The following NDUFAF2 variants were observed in gnomAD, a reference collection of about 807,000 sequenced individuals.
NDUFAF2 encodes NADH dehydrogenase [ubiquinone] 1 alpha subcomplex assembly factor 2.
In NDUFAF2, 13 loss-of-function variants were observed where a neutral mutation model predicts 22.8. The ratio of observed to expected loss-of-function variants is 0.57; its 90% CI spans 0.37 to 0.91. The LOEUF (loss-of-function observed/expected upper bound fraction) is 0.91. NDUFAF2 is among the 40% of genes least tolerant of loss of function. The probability of loss-of-function intolerance (pLI) is 0.01; values close to 1 mark genes in which losing one functional copy is unlikely to be tolerated. For missense variants in NDUFAF2, 162 were observed against 195.2 expected (o/e 0.83, Z 1.01); for synonymous variants, 53 against 64.2 (o/e 0.83, Z 0.84).
At chr5:61,039,282 T>C (rs1188761777) in intron 1 of NDUFAF2, among the ~76,000 whole-genome samples, 1 of 151,974 alleles carries the variant, frequency 6.6e-6, no homozygotes, top group Non-Finnish European at 1.5e-5. Flanking sequence ...GAAGAGACTA[T>C]ATTTGTAACA....
intron 1 of NDUFAF2, among the ~76,000 whole-genome samples, chr5:61,057,172 G>A (rs1278377199): frequency 6.6e-6 from 1 of 151,642 alleles, no homozygotes; most frequent in African/African-American, 2.4e-5. Context: ...AGACTTCTTT[G>A]TCTTTTCCTA....
intron 2 of NDUFAF2, among the ~76,000 whole-genome samples, chr5:61,088,228 A>G (rs1265667491): frequency 6.6e-6 from 1 of 152,086 alleles, no homozygotes; most frequent in Non-Finnish European, 1.5e-5. Context: ...AGCCAGGGGG[A>G]AAAATACTCC....
intron 1 of NDUFAF2, among the ~76,000 whole-genome samples, chr5:60,971,848 A>G (rs1038998133): frequency 3.4e-4 from 52 of 151,436 alleles, no homozygotes; most frequent in African/African-American, 1.2e-3. Context: ...ACATTTTCTT[A>G]ATCCAGTCTA....
chr5:61,041,419 C>T (rs1417371749), intron 1 of NDUFAF2, among the ~76,000 whole-genome samples: 1 of 151,942 alleles, frequency 6.6e-6, no homozygotes, highest in East Asian at 1.9e-4. Context: ...TTCACCCGTA[C>T]CAGTTTTTTT....
intron 1 of NDUFAF2, among the ~76,000 whole-genome samples, chr5:60,947,082 T>C (rs931699176): frequency 2.0e-5 from 3 of 152,228 alleles, no homozygotes; most frequent in African/African-American, 7.2e-5. Flanking sequence ...TCTACAAACA[T>C]TCCCATACAG....
At chr5:61,003,300 GT>G (rs1403713857) in intron 1 of NDUFAF2, among the ~76,000 whole-genome samples, 1 of 152,062 alleles carries the variant, frequency 6.6e-6, no homozygotes, top group East Asian at 1.9e-4. Flanking sequence ...TGCTTCTGAA[GT>G]TTTTTAACTC....
At chr5:61,080,871 T>C (rs1402094682) in intron 2 of NDUFAF2, among the ~76,000 whole-genome samples, 1 of 152,094 alleles carries the variant, frequency 6.6e-6, no homozygotes, top group Non-Finnish European at 1.5e-5. Context: ...TGAATTCCAG[T>C]TTATCATTTT....
chr5:61,128,568 A>G (rs1482493801), intron 3 of NDUFAF2, among the ~76,000 whole-genome samples: 1 of 152,216 alleles, frequency 6.6e-6, no homozygotes, highest in Non-Finnish European at 1.5e-5. Flanking sequence ...CTATTTAACA[A>G]ATGGTGCTGG....
intron 1 of NDUFAF2, among the ~76,000 whole-genome samples, chr5:61,067,144 T>A (rs1221081402): frequency 1.3e-5 from 2 of 152,140 alleles, no homozygotes; most frequent in Admixed American, 1.3e-4. Context: ...TAATTTTTTT[T>A]ATGACTAGAT....
chr5:61,023,566 T>C (rs1161141885), intron 1 of NDUFAF2, among the ~76,000 whole-genome samples: 1 of 152,188 alleles, frequency 6.6e-6, no homozygotes, highest in African/African-American at 2.4e-5. Context: ...CATCTACATC[T>C]TTTGGTCCTT....
intron 3 of NDUFAF2, among the ~76,000 whole-genome samples, chr5:61,110,810 A>C (rs1354726003): frequency 6.6e-6 from 1 of 151,760 alleles, no homozygotes; most frequent in Non-Finnish European, 1.5e-5. Flanking sequence ...TTTTCTTCAA[A>C]TTTCATTTGT....
At chr5:61,099,958 T>A (rs1275966449) in intron 3 of NDUFAF2, among the ~76,000 whole-genome samples, 3 of 152,138 alleles carry the variant, frequency 2.0e-5, no homozygotes, top group African/African-American at 7.2e-5. Context: ...GTTTATTTGC[T>A]CCATACATTT....
chr5:61,040,286 A>ACACACACGCGCGCGCGCGCGCGCG (rs1491193758), intron 1 of NDUFAF2, among the ~76,000 whole-genome samples: 11 of 93,068 alleles, frequency 1.2e-4, no homozygotes, highest in African/African-American at 4.8e-4. Context: ...ACACACACAC[A>ACACACACGCGCGCGCGCGCGCGCG]CGCGCGCGCG....
intron 1 of NDUFAF2, among the ~76,000 whole-genome samples, chr5:60,956,075 A>G (rs931185888): frequency 6.6e-6 from 1 of 151,872 alleles, no homozygotes; most frequent in African/African-American, 2.4e-5. Flanking sequence ...TAATTTTTGT[A>G]TTTTTTGTAG....
chr5:61,076,869 A>G (rs919603472), intron 2 of NDUFAF2, among the ~76,000 whole-genome samples: 2 of 152,188 alleles, frequency 1.3e-5, no homozygotes, highest in African/African-American at 4.8e-5. Flanking sequence ...TGCATTCCGG[A>G]TCTGTGGTAA....
chr5:60,975,239 C>T (rs1019145729), intron 1 of NDUFAF2, among the ~76,000 whole-genome samples: 6 of 151,794 alleles, frequency 4.0e-5, no homozygotes, highest in Non-Finnish European at 8.8e-5. Flanking sequence ...TTACGACACT[C>T]CAATTTATTT....
intron 2 of NDUFAF2, among the ~76,000 whole-genome samples, chr5:61,092,838 A>G (rs1752585419): frequency 6.6e-6 from 1 of 152,172 alleles, no homozygotes; most frequent in Non-Finnish European, 1.5e-5. Context: ...GACAGAACTA[A>G]TAGGATATAT....
At chr5:60,967,388 T>C (rs1323384739) in intron 1 of NDUFAF2, among the ~76,000 whole-genome samples, 1 of 152,028 alleles carries the variant, frequency 6.6e-6, no homozygotes, top group African/African-American at 2.4e-5. Flanking sequence ...TGAATACAAG[T>C]GGTGAGAGGT....
At chr5:61,098,415 G>T (rs1201052962) in intron 2 of NDUFAF2, among the ~76,000 whole-genome samples, 1 of 152,142 alleles carries the variant, frequency 6.6e-6, no homozygotes, top group Non-Finnish European at 1.5e-5. Flanking sequence ...AAAGCATCCA[G>T]CACAGTACCC....
Sources: allele counts gnomAD v4.1 joint callset (sites outside exome capture counted in the v4.1 genomes callset), GRCh38; gene constraint gnomAD v4.1.1; transcripts MANE v1.5; gene names NCBI Gene and HGNC (gene_info 2026-07-23, HGNC 2026-07-21).